MALRD1: variants seen among roughly 807,000 people sequenced by gnomAD.
The protein encoded by MALRD1 is MAM and LDL-receptor class A domain-containing protein 1.
In MALRD1, 247 loss-of-function variants were observed where a neutral mutation model predicts 242.1. That is an observed-to-expected ratio of 1.02 (90% CI 0.92 to 1.13). The LOEUF (loss-of-function observed/expected upper bound fraction) is 1.13, where lower values mean the gene tolerates loss of function less well. MALRD1 is among the 50% of genes most tolerant of loss of function. The pLI, the probability that MALRD1 is intolerant of heterozygous loss-of-function variation, is 0.00. For synonymous variants in MALRD1, 995 were observed against 866.6 expected (o/e 1.15, Z -2.60); for missense variants, 2,989 against 2,533.1 (o/e 1.18, Z -3.86).
chr10:19,587,185 T>G (rs1412212918), intron 33 of MALRD1, among the ~76,000 whole-genome samples: 1 of 152,246 alleles, frequency 6.6e-6, no homozygotes, highest in Admixed American at 6.5e-5. Flanking sequence ...ATCACCCATC[T>G]TCTGCGTCAC....
chr10:19,238,757 T>C (rs72788025), intron 18 of MALRD1, among the ~76,000 whole-genome samples: 12,934 of 149,602 alleles, frequency 0.086, 630 homozygotes, highest in Middle Eastern at 0.11. Context: ...GATCGAATGA[T>C]TGTTTTTTTT....
intron 23 of MALRD1, among the ~76,000 whole-genome samples, chr10:19,330,568 G>A (rs941898461): frequency 3.4e-4 from 52 of 152,120 alleles, no homozygotes; most frequent in African/African-American, 1.3e-3. Context: ...TTAATAAAAA[G>A]ACTGAATTCC....
At chr10:19,728,673 C>T (rs1835153274) in intron 38 of MALRD1, 1 of 152,118 alleles carries the variant, frequency 6.6e-6, no homozygotes, top group Non-Finnish European at 1.5e-5. Context: ...GTGTCAGTGT[C>T]TGTCTTATCT....
chr10:19,452,748 A>T (rs936417821), intron 29 of MALRD1, among the ~76,000 whole-genome samples: 4 of 152,182 alleles, frequency 2.6e-5, no homozygotes, highest in African/African-American at 4.8e-5. Flanking sequence ...TGTAAGTTAC[A>T]CTAAGTTGCT....
At chr10:19,476,873 T>C (rs1564374658) in intron 29 of MALRD1, among the ~76,000 whole-genome samples, 1 of 152,180 alleles carries the variant, frequency 6.6e-6, no homozygotes, top group Non-Finnish European at 1.5e-5. Flanking sequence ...TACATCTCTA[T>C]ATTTCAACAT....
At chr10:19,130,417 A>T (rs972481094) in intron 8 of MALRD1, among the ~76,000 whole-genome samples, 2 of 152,186 alleles carry the variant, frequency 1.3e-5, no homozygotes, top group African/African-American at 4.8e-5. Context: ...AAATTCTAGA[A>T]TAATTTCGAT....
At chr10:19,461,661 T>G (rs1835951665) in intron 29 of MALRD1, among the ~76,000 whole-genome samples, 1 of 142,578 alleles carries the variant, frequency 7.0e-6, no homozygotes, top group Admixed American at 7.3e-5. Flanking sequence ...TTGGGCAACA[T>G]AGTGAGACCC....
intron 38 of MALRD1, among the ~76,000 whole-genome samples, chr10:19,707,555 G>A (rs921458562): frequency 1.3e-5 from 2 of 152,200 alleles, no homozygotes; most frequent in African/African-American, 2.4e-5. Flanking sequence ...CTGTTCAGAC[G>A]AGTTAGATGA....
At chr10:19,381,576 C>G (rs560198031) in intron 26 of MALRD1, among the ~76,000 whole-genome samples, 1 of 151,766 alleles carries the variant, frequency 6.6e-6, no homozygotes, top group South Asian at 2.1e-4. Context: ...GCTTGTAATC[C>G]CAGCACAACG....
intron 18 of MALRD1, among the ~76,000 whole-genome samples, chr10:19,229,975 T>A (rs1837978442): frequency 6.6e-6 from 1 of 152,170 alleles, no homozygotes; most frequent in Non-Finnish European, 1.5e-5. Flanking sequence ...GGTAAGTGGA[T>A]CATGGGGGCA....
At chr10:19,261,446 TAAA>T (rs531115191) in intron 19 of MALRD1, among the ~76,000 whole-genome samples, 3 of 135,032 alleles carry the variant, frequency 2.2e-5, no homozygotes, top group Non-Finnish European at 3.2e-5. Flanking sequence ...GAGCTCTACG[TAAA>T]AAAAAAAAAA....
At chr10:19,211,724 G>T (rs1211154593) in intron 18 of MALRD1, among the ~76,000 whole-genome samples, 1 of 147,522 alleles carries the variant, frequency 6.8e-6, no homozygotes, top group Non-Finnish European at 1.5e-5. Context: ...AAAAAGGTTG[G>T]GCAGGGTGAG....
chr10:19,201,712 A>C (rs887172175), intron 14 of MALRD1, among the ~76,000 whole-genome samples: 1 of 152,230 alleles, frequency 6.6e-6, no homozygotes, highest in African/African-American at 2.4e-5. Context: ...CTGTGAAGAC[A>C]AATATCCTTT....
At chr10:19,705,308 G>C (rs1398418622) in intron 38 of MALRD1, among the ~76,000 whole-genome samples, 3 of 152,230 alleles carry the variant, frequency 2.0e-5, no homozygotes, top group South Asian at 2.1e-4. Context: ...AGCTGCTTTT[G>C]CAGCTAGAGT....
intron 39 of MALRD1, among the ~76,000 whole-genome samples, chr10:19,733,425 C>A (rs1835371695): frequency 6.6e-6 from 1 of 152,160 alleles, no homozygotes; most frequent in African/African-American, 2.4e-5. Flanking sequence ...ACTGCAGGAT[C>A]ATCCCTAAAC....
At chr10:19,714,797 A>T (rs1296524207) in intron 38 of MALRD1, among the ~76,000 whole-genome samples, 1 of 152,168 alleles carries the variant, frequency 6.6e-6, no homozygotes, top group Non-Finnish European at 1.5e-5. Flanking sequence ...CAAATGGCCT[A>T]CAAGGTGTGT....
At chr10:19,702,155 T>C (rs1343152999) in intron 38 of MALRD1, among the ~76,000 whole-genome samples, 5 of 152,166 alleles carry the variant, frequency 3.3e-5, no homozygotes, top group Admixed American at 2.0e-4. Context: ...TTATAGTAAA[T>C]GTCTTAGATA....
intron 36 of MALRD1, among the ~76,000 whole-genome samples, chr10:19,674,352 T>A (rs1463140612): frequency 6.6e-6 from 1 of 152,146 alleles, no homozygotes. Context: ...AGTTTACACT[T>A]TTTATCTCCA....
At chr10:19,203,008 G>GAT (rs1055283651) in intron 14 of MALRD1, among the ~76,000 whole-genome samples, 17 of 152,078 alleles carry the variant, frequency 1.1e-4, no homozygotes, top group Admixed American at 3.3e-4. Flanking sequence ...GTGAAAGTTA[G>GAT]ATATATATAT....
Sources: gnomAD v4.1 joint callset for allele counts (sites outside exome capture counted in the v4.1 genomes callset) on GRCh38, gnomAD v4.1.1 for gene constraint, MANE v1.5 for transcripts, NCBI Gene and HGNC (gene_info 2026-07-23, HGNC 2026-07-21) for gene names.